RANBP2: variants seen among roughly 807,000 people sequenced by gnomAD.
RANBP2 encodes E3 SUMO-protein ligase RanBP2.
RANBP2 carries 57 observed loss-of-function variants against 303.6 expected under a neutral mutation model. The ratio of observed to expected loss-of-function variants is 0.19; its 90% CI spans 0.15 to 0.23. The LOEUF is 0.23. Ranked by LOEUF, RANBP2 falls within the 10% of genes least tolerant of loss-of-function variation. The pLI, the probability that RANBP2 is intolerant of heterozygous loss-of-function variation, is 1.00. For missense variants in RANBP2, 3,138 were observed against 3,780.8 expected (o/e 0.83, Z 4.46); for synonymous variants, 1,167 against 1,301.5 (o/e 0.90, Z 2.23).
At chr2:109,623,374 G>T in the RANBP2 span, among the ~76,000 whole-genome samples, 67,483 of 151,868 alleles carry the variant, frequency 0.44, 15,955 homozygotes, top group African/African-American at 0.61. Context: ...CTCTCCAGAG[G>T]GGATATCTCA....
the RANBP2 span, among the ~76,000 whole-genome samples, chr2:109,167,132 T>G: frequency 2.0e-5 from 3 of 152,242 alleles, no homozygotes; most frequent in Non-Finnish European, 4.4e-5. Context: ...GTAAGTGTTC[T>G]TTATGATATG....
chr2:109,250,544 G>A, the RANBP2 span, among the ~76,000 whole-genome samples: 3 of 151,736 alleles, frequency 2.0e-5, no homozygotes, highest in East Asian at 5.8e-4. Context: ...GAATTTGACC[G>A]TTTTTCTTTT....
At chr2:109,092,921 A>G in the RANBP2 span, among the ~76,000 whole-genome samples, 3 of 152,206 alleles carry the variant, frequency 2.0e-5, no homozygotes, top group Non-Finnish European at 2.9e-5. Flanking sequence ...GACCCCTATT[A>G]GGCTGCTTTT....
At chr2:109,721,956 C>G in the RANBP2 span, among the ~76,000 whole-genome samples, 2 of 152,224 alleles carry the variant, frequency 1.3e-5, no homozygotes, top group African/African-American at 4.8e-5. Flanking sequence ...CCAGCTGGCT[C>G]ATTTAGGGAT....
the RANBP2 span, among the ~76,000 whole-genome samples, chr2:109,161,323 G>A: frequency 4.2e-4 from 64 of 152,226 alleles, no homozygotes; most frequent in African/African-American, 1.5e-3. Context: ...GTGGGGCTAA[G>A]TGTGGTATGC....
chr2:108,837,089 G>C, the RANBP2 span, among the ~76,000 whole-genome samples: 4 of 152,152 alleles, frequency 2.6e-5, no homozygotes, highest in Non-Finnish European at 5.9e-5. Context: ...ATAGTGAACA[G>C]AAGTGGTGAG....
At chr2:109,170,432 G>A in the RANBP2 span, among the ~76,000 whole-genome samples, 5 of 151,698 alleles carry the variant, frequency 3.3e-5, no homozygotes, top group Non-Finnish European at 5.9e-5. Flanking sequence ...TGCAACCTCC[G>A]CCTCCCGGGT....
the RANBP2 span, among the ~76,000 whole-genome samples, chr2:109,434,868 A>G: frequency 6.6e-6 from 1 of 152,210 alleles, no homozygotes; most frequent in Non-Finnish European, 1.5e-5. Flanking sequence ...CAATAAAAGA[A>G]ATCTAGTTGT....
chr2:109,596,764 T>C, the RANBP2 span, among the ~76,000 whole-genome samples: 1 of 152,224 alleles, frequency 6.6e-6, no homozygotes, highest in African/African-American at 2.4e-5. Flanking sequence ...TTCTGAACAT[T>C]GGCCAAAAAG....
the RANBP2 span, among the ~76,000 whole-genome samples, chr2:109,213,482 C>T: frequency 6.6e-6 from 1 of 152,094 alleles, no homozygotes; most frequent in Non-Finnish European, 1.5e-5. Context: ...AGGACGTGGC[C>T]CCAGGATCTG....
the RANBP2 span, among the ~76,000 whole-genome samples, chr2:109,355,304 G>T: frequency 7.8e-3 from 1,185 of 152,296 alleles, 16 homozygotes; most frequent in African/African-American, 0.027. Flanking sequence ...ATTGGCCCAG[G>T]AACTTGTCTG....
At chr2:109,281,761 G>T in the RANBP2 span, among the ~76,000 whole-genome samples, 1 of 152,166 alleles carries the variant, frequency 6.6e-6, no homozygotes, top group African/African-American at 2.4e-5. Flanking sequence ...CAGAGAGCAA[G>T]AGCAAGCCTG....
chr2:109,344,802 A>G, the RANBP2 span, among the ~76,000 whole-genome samples: 1 of 152,124 alleles, frequency 6.6e-6, no homozygotes, highest in Non-Finnish European at 1.5e-5. Flanking sequence ...TGGGGATTTC[A>G]TGGCCAGAGG....
chr2:109,219,794 A>C, the RANBP2 span, among the ~76,000 whole-genome samples: 5 of 152,228 alleles, frequency 3.3e-5, no homozygotes, highest in South Asian at 1.0e-3. Flanking sequence ...ATAAGTGGAA[A>C]TGCATCTCTT....
At chr2:109,300,076 T>A in the RANBP2 span, among the ~76,000 whole-genome samples, 4 of 152,176 alleles carry the variant, frequency 2.6e-5, no homozygotes, top group South Asian at 8.3e-4. Context: ...TTACACAGTG[T>A]TGGGTGAGCA....
the RANBP2 span, among the ~76,000 whole-genome samples, chr2:109,013,988 T>C: frequency 6.6e-6 from 1 of 152,234 alleles, no homozygotes; most frequent in Non-Finnish European, 1.5e-5. Context: ...TGAGCGACAA[T>C]GGAGACATTC....
the RANBP2 span, among the ~76,000 whole-genome samples, chr2:108,953,865 A>T: frequency 6.6e-6 from 1 of 152,184 alleles, no homozygotes. Context: ...GGTCAAGTGA[A>T]GTTGAACCAG....
chr2:109,214,950 A>G, the RANBP2 span, among the ~76,000 whole-genome samples: 3 of 152,324 alleles, frequency 2.0e-5, no homozygotes, highest in African/African-American at 7.2e-5. Context: ...TAGTGAGCTG[A>G]GGAGAGAAGG....
the RANBP2 span, among the ~76,000 whole-genome samples, chr2:109,706,795 A>G: frequency 6.6e-6 from 1 of 152,208 alleles, no homozygotes; most frequent in African/African-American, 2.4e-5. Context: ...GTTACTTCAG[A>G]TACAAGGATG....
Sources: gnomAD v4.1 joint callset for allele counts (sites outside exome capture counted in the v4.1 genomes callset) on GRCh38, gnomAD v4.1.1 for gene constraint, MANE v1.5 for transcripts, NCBI Gene and HGNC (gene_info 2026-07-23, HGNC 2026-07-21) for gene names.